Variants in C6orf163 observed in about 807,000 individuals in gnomAD.
C6orf163 encodes the protein chromosome 6 open reading frame 163.
Under a neutral mutation model 28.4 loss-of-function variants are expected in C6orf163, and 22 were observed. That is an observed-to-expected ratio of 0.78 (90% CI 0.55 to 1.11). C6orf163 has a LOEUF of 1.11. Ranked by LOEUF, C6orf163 falls within the 50% of genes least tolerant of loss-of-function variation. The pLI, the probability that C6orf163 is intolerant of heterozygous loss-of-function variation, is 0.00. For synonymous variants in C6orf163, 110 were observed against 123.6 expected (o/e 0.89, Z 0.73); for missense variants, 342 against 389.1 (o/e 0.88, Z 1.02).
intron 3 of C6orf163, among the ~76,000 whole-genome samples, chr6:87,352,059 A>G (rs557594307): frequency 1.3e-5 from 2 of 152,030 alleles, no homozygotes; most frequent in South Asian, 4.2e-4. Context: ...CATCAGTAGA[A>G]AGAAGCCCTA....
intron 4 of C6orf163, among the ~76,000 whole-genome samples, chr6:87,361,853 C>T (rs1047821509): frequency 1.3e-5 from 2 of 152,136 alleles, no homozygotes; most frequent in African/African-American, 4.8e-5. Flanking sequence ...TTAACCCATT[C>T]TCTCCCTCTT....
chr6:87,346,410 C>A (rs1482733715), intron 1 of C6orf163, among the ~76,000 whole-genome samples: 1 of 152,028 alleles, frequency 6.6e-6, no homozygotes, highest in African/African-American at 2.4e-5. Context: ...CTTTTCATAC[C>A]CAGGACAGTG....
At chr6:87,349,038 G>C (rs1431259826) in intron 2 of C6orf163, 132 bp downstream of exon 2, 2 of 1,140,636 alleles carry the variant, frequency 1.8e-6, no homozygotes, top group East Asian at 5.4e-5. Flanking sequence ...CATTGGGCAA[G>C]TTCTACAACC....
chr6:87,364,507 A>G (rs1777619962), intron 4 of C6orf163, among the ~76,000 whole-genome samples: 1 of 152,166 alleles, frequency 6.6e-6, no homozygotes, highest in Admixed American at 6.5e-5. Flanking sequence ...TGACTGTCAT[A>G]GAGTATTGCT....
intron 4 of C6orf163, among the ~76,000 whole-genome samples, chr6:87,364,157 C>G (rs1278636216): frequency 6.6e-6 from 1 of 152,014 alleles, no homozygotes; most frequent in African/African-American, 2.4e-5. Context: ...TAGTCGTGCA[C>G]ACCTGTAATC....
intron 1 of C6orf163, chr6:87,348,207 G>A (rs1777357539): frequency 3.0e-6 from 3 of 983,682 alleles, no homozygotes; most frequent in Non-Finnish European, 3.6e-6. Context: ...GATATTGCGT[G>A]GTCCTCTAGC....
chr6:87,348,201 T>C, intron 1 of C6orf163: 7 of 983,762 alleles, frequency 7.1e-6, no homozygotes, highest in South Asian at 4.7e-5. Context: ...CTGTCTGATA[T>C]TGCGTGGTCC....
chr6:87,354,608 G>A (rs2127932865), intron 3 of C6orf163, among the ~76,000 whole-genome samples: 1 of 152,316 alleles, frequency 6.6e-6, no homozygotes, highest in South Asian at 2.1e-4. Flanking sequence ...AGGAAACCCA[G>A]CTAGCATTTC....
Position 87,365,354 on chromosome 6 carries a change from T to G in C6orf163, c.948T>G (p.Pro316=). ...TTCTGCCAGAAAGAAAGAAAACACC[T>G]TCTAATCTTGTTATTAAGGAGAACA... ...DFILPERKKT[P]SNLVIKENKT... is the part of the protein sequence containing the mutation. The change falls in exon 5 of 5, where the codon CCT becomes CCG. Residue 316 remains proline (P), a synonymous_variant. Coordinates refer to ENST00000388923, the MANE Select transcript of C6orf163 (RefSeq NM_001010868.3). 6.5e-7 allele frequency: 1 copy of G among 1,548,862 alleles called. No individual in the cohort carries two copies. The highest frequency in any genetic ancestry group is 8.7e-7 in the Non-Finnish European group (1 of 1,145,776).
chr6:87,357,980 G>T (rs952349278), intron 4 of C6orf163: 6 of 152,174 alleles, frequency 3.9e-5, no homozygotes, highest in Non-Finnish European at 7.4e-5. Flanking sequence ...CTGGCACATG[G>T]TAGGCATTCT....
At position 87,344,833 on chromosome 6, in the gene C6orf163, G is replaced by A. The variant is rs756952992; in HGVS notation, c.-267G>A. The A allele has an allele frequency of 3.0e-5, 8 of 263,080 alleles. No individual in the cohort carries two copies. The highest frequency in any genetic ancestry group is 2.7e-4 in the Admixed American group (5 of 18,836). 16.3% of individuals were successfully genotyped at this position (263,080 alleles called of 1,614,324 possible). A position where few individuals can be genotyped will look rare whatever the true frequency, so the allele number is the denominator to read the frequency against. On this transcript the variant is annotated 5_prime_UTR_variant, in exon 1 of 5. Coordinates refer to ENST00000388923, the MANE Select transcript of C6orf163 (RefSeq NM_001010868.3). ...CAAGTAAGTTAACAACTTAATGCTA[G>A]AGTCTGGGAAGGAGCAACTACTTAA...
chr6:87,348,121 C>G, intron 1 of C6orf163: 3 of 862,586 alleles, frequency 3.5e-6, no homozygotes, highest in Non-Finnish European at 4.2e-6. Flanking sequence ...CGACACTGCA[C>G]TGCAGGCTGG....
intron 1 of C6orf163, among the ~76,000 whole-genome samples, chr6:87,346,367 A>G (rs73755404): frequency 0.011 from 1,678 of 152,352 alleles, 36 homozygotes; most frequent in African/African-American, 0.037. Context: ...GTAAGTGCTT[A>G]GTATGAATGA....
In C6orf163 at chr6:87,345,262, C is replaced by T. The variant is rs1365033448; in HGVS notation, c.148+15C>T. The T allele has an allele frequency of 1.1e-5, 16 of 1,509,024 alleles. No individual in the cohort carries two copies. Among genetic ancestry groups the T allele is most frequent in the African/African-American group, 2.8e-5 (2 of 71,134 alleles). The allele number at this position is 1,509,024 out of a possible 1,614,324, so 93.5% of individuals were successfully genotyped here. On this transcript the variant is annotated intron_variant, in intron 1 of 4. Coordinates refer to ENST00000388923, the MANE Select transcript of C6orf163 (RefSeq NM_001010868.3). ...AGACATACTAGGTAAGTGACTTTAT[C>T]GTTTTCCTTTGTTCTAATGCTTCAT...
intron 4 of C6orf163, among the ~76,000 whole-genome samples, chr6:87,363,167 G>A (rs947044219): frequency 2.6e-5 from 4 of 152,028 alleles, no homozygotes; most frequent in Admixed American, 2.6e-4. Context: ...CATGGTAAGA[G>A]GTCAACATGG....
At chr6:87,364,843 C>T (rs1230804131) in intron 4 of C6orf163, 118 bp from the exon 5 acceptor site, 3 of 723,580 alleles carry the variant, frequency 4.1e-6, no homozygotes, top group Non-Finnish European at 6.7e-6. Context: ...CCGTATCAGC[C>T]TGTCTCAGGC....
chr6:87,362,287 G>A (rs574010917), intron 4 of C6orf163, among the ~76,000 whole-genome samples: 1 of 152,300 alleles, frequency 6.6e-6, no homozygotes, highest in Non-Finnish European at 1.5e-5. Flanking sequence ...GACCAGCCTG[G>A]CCAACATAGT....
At chr6:87,353,388 A>G (rs1318517289) in intron 3 of C6orf163, among the ~76,000 whole-genome samples, 1 of 152,068 alleles carries the variant, frequency 6.6e-6, no homozygotes, top group East Asian at 1.9e-4. Flanking sequence ...TTGTGTGATT[A>G]TTACACATTG....
chr6:87,355,058 T>C (rs1777478494), intron 3 of C6orf163, among the ~76,000 whole-genome samples: 1 of 152,156 alleles, frequency 6.6e-6, no homozygotes, highest in Non-Finnish European at 1.5e-5. Context: ...CTGCAGCTAT[T>C]GAAAAAGAAA....
Sources: gnomAD v4.1 joint callset for allele counts (sites outside exome capture counted in the v4.1 genomes callset) on GRCh38, gnomAD v4.1.1 for gene constraint, MANE v1.5 for transcripts, NCBI Gene and HGNC (gene_info 2026-07-23, HGNC 2026-07-21) for gene names.